TBKBP1: variants seen among roughly 807,000 people sequenced by gnomAD.
The protein encoded by TBKBP1 is TBK1 binding protein 1.
A neutral mutation model predicts 69.9 loss-of-function variants in TBKBP1; 47 were observed. The ratio of observed to expected loss-of-function variants is 0.67; its 90% CI spans 0.53 to 0.86. The LOEUF (loss-of-function observed/expected upper bound fraction) is 0.86, where lower values mean the gene tolerates loss of function less well. Ranked by LOEUF, TBKBP1 falls within the 40% of genes least tolerant of loss-of-function variation. TBKBP1 has a pLI of 0.00. For missense variants in TBKBP1, 831 were observed against 858.6 expected, an observed-to-expected ratio of 0.97 and a Z score of 0.40; for synonymous variants, 418 against 390.3, an observed-to-expected ratio of 1.07 and a Z score of -0.84.
intron 4 of TBKBP1, among the ~76,000 whole-genome samples, chr17:47,697,625 T>C (rs984506525): frequency 3.9e-5 from 6 of 151,982 alleles, no homozygotes; most frequent in Non-Finnish European, 8.8e-5. Context: ...GGCCTGTGCT[T>C]GGGTGTGCTT....
At chr17:47,698,965 C>A (rs1185942035) in intron 5 of TBKBP1, among the ~76,000 whole-genome samples, 190 bp downstream of exon 5, 1 of 152,100 alleles carries the variant, frequency 6.6e-6, no homozygotes, top group Non-Finnish European at 1.5e-5. Context: ...CTAACTCGGT[C>A]ATTCCTGATC....
chr17:47,709,094 C>A lies in TBKBP1; in HGVS notation c.1361C>A (p.Ala454Asp). The A allele has an allele frequency of 7.3e-7, 1 of 1,361,036 alleles. No individual in the cohort carries two copies. The allele number at this position is 1,361,036 out of a possible 1,614,324, so 84.3% of individuals were successfully genotyped here. A position where few individuals can be genotyped will look rare whatever the true frequency, so the allele number is the denominator to read the frequency against. ...AAGCCGCCCAGCCACCACGTGAAGG[C>A]CGGCTTCCAGGGCCGCCGCAGCTAC... ...YAKPPSHHVK[A>D]GFQGRRSYSE... is the part of the protein sequence containing the mutation. The change falls in exon 9 of 10, where the codon GCC becomes GAC. Residue 454 changes from alanine (A) to aspartate (D), a missense_variant. By Grantham distance (126) the Ala-to-Asp change is moderately radical (BLOSUM62 -2). Transcript: ENST00000578982.
At position 47,709,391 on chromosome 17, in the gene TBKBP1, A is replaced by T; in HGVS notation, c.1658A>T (p.Glu553Val). 1 of 1,533,240 alleles carries T rather than the reference A, an allele frequency of 6.5e-7. No homozygotes were observed. Among genetic ancestry groups the T allele is most frequent in the South Asian group, 1.2e-5 (1 of 83,770 alleles). 95.0% of individuals were successfully genotyped at this position (1,533,240 alleles called of 1,614,324 possible). ...ASFCAGFPIP[E>V]SPAATAYAHA... ...TTCTGCGCGGGCTTCCCCATCCCCG[A>T]GTCGCCCGCCGCCACCGCCTACGCC... Residue 553 changes from glutamate (E) to valine (V), a missense_variant, in exon 9 of 10, where the codon GAG (glutamate) becomes GTG (valine). Glu to Val is a moderately radical substitution (Grantham distance 121, BLOSUM62 -2). Coordinates refer to ENST00000578982, the MANE Select transcript of TBKBP1 (RefSeq NM_001394755.1).
intron 7 of TBKBP1, among the ~76,000 whole-genome samples, chr17:47,704,392 C>T (rs2031626912): frequency 6.6e-6 from 1 of 152,232 alleles, no homozygotes; most frequent in African/African-American, 2.4e-5. Flanking sequence ...ACCTCAAGTC[C>T]GTTCCACGGC....
chr17:47,697,739 T>A (rs527956586), intron 4 of TBKBP1, among the ~76,000 whole-genome samples: 1 of 151,392 alleles, frequency 6.6e-6, no homozygotes, highest in Admixed American at 6.6e-5. Context: ...GGTTAAGGAG[T>A]TTGAGACCAG....
At chr17:47,702,733 T>C (rs1171754552) in intron 7 of TBKBP1, among the ~76,000 whole-genome samples, 1 of 151,748 alleles carries the variant, frequency 6.6e-6, no homozygotes, top group Non-Finnish European at 1.5e-5. Context: ...GGGAGACAAA[T>C]TGCCCCAGAG....
Position 47,710,521 on chromosome 17 carries a change from C to T in TBKBP1, c.1743C>T (p.Ser581=), listed in dbSNP as rs372039548. The change falls in exon 10 of 10, where the codon TCC becomes TCT. Residue 581 remains serine (S), a synonymous_variant. Coordinates refer to ENST00000578982, the MANE Select transcript of TBKBP1 (RefSeq NM_001394755.1). ...SINLLMETVG[S]DIRSCPLCQL... ...AGTTGCTGATGGAGACGGTGGGCTC[C>T]GACATCCGCAGCTGCCCCCTCTGCC... is the stretch of plus-strand genomic sequence containing the variant. 2.2e-5 allele frequency: 35 copies of T among 1,611,124 alleles called. No individual in the cohort carries two copies. In the African/African-American group the frequency reaches 3.1e-4, roughly 14 times the overall value.
chr17:47,701,484 A>G (rs2143297349), intron 7 of TBKBP1, among the ~76,000 whole-genome samples: 1 of 152,262 alleles, frequency 6.6e-6, no homozygotes, highest in South Asian at 2.1e-4. Flanking sequence ...CCAGACCAGC[A>G]GTGAATCTCC....
Position 47,699,689 on chromosome 17 carries a change from G to C in TBKBP1, c.864G>C (p.Gly288=). ...ERDMAWVKRV[G]DDQVNLALAY... is the part of the protein sequence containing the mutation. ...ACATGGCGTGGGTGAAAAGAGTTGG[G>C]GATGATCAGTAAGTCACATTGGTAA... Residue 288 remains glycine, a synonymous_variant, in exon 7 of 10, where the codon GGG becomes GGC. Transcript: ENST00000578982. 1 of 1,613,982 alleles carries C rather than the reference G, an allele frequency of 6.2e-7. No individual in the cohort carries two copies. The highest frequency in any genetic ancestry group is 8.5e-7 in the Non-Finnish European group (1 of 1,179,882).
intron 7 of TBKBP1, among the ~76,000 whole-genome samples, chr17:47,703,241 G>A (rs947930582): frequency 1.3e-5 from 2 of 152,070 alleles, no homozygotes; most frequent in African/African-American, 4.8e-5. Flanking sequence ...AAGCCTCTGC[G>A]TGGGCTGCGG....
chr17:47,700,192 C>CAT (rs2031438234), intron 7 of TBKBP1, among the ~76,000 whole-genome samples: 1 of 148,680 alleles, frequency 6.7e-6, no homozygotes, highest in East Asian at 2.1e-4. Flanking sequence ...GGTTTCACTG[C>CAT]GTTAGCCAGG....
At chr17:47,709,648 C>T (rs1280658017) in intron 9 of TBKBP1, among the ~76,000 whole-genome samples, 196 bp downstream of exon 9, 1 of 152,246 alleles carries the variant, frequency 6.6e-6, no homozygotes, top group Non-Finnish European at 1.5e-5. Context: ...AAATTGGGGC[C>T]TGCCCCATTA....
rs140183833 is a variant in TBKBP1, at chr17:47,710,194, G to C, written c.1720-304G>C. ...TGTTTAGGATCGTACATTGCTTTGA[G>C]TTATCCGGGAGCTGTCTTAGTCACT... On this transcript the variant is annotated intron_variant, in intron 9 of 9. Transcript: ENST00000578982. Among the ~76,000 whole-genome samples, 3 of 152,220 alleles carry C rather than the reference G, an allele frequency of 2.0e-5. No individual in the cohort carries two copies. The East Asian group carries it at 5.8e-4, about 29-fold the overall frequency.
rs750357096 is a variant in TBKBP1, at chr17:47,696,707, G to A, written c.226-4G>A. On this transcript the variant is annotated splice_polypyrimidine_tract_variant and splice_region_variant and intron_variant, in intron 2 of 9. Transcript: ENST00000578982. ...ACTCTCCTGAAGCTCCACCCCACCT[G>A]CAGTACCCACTGATCAGTGACTTTG... is the stretch of plus-strand genomic sequence containing the variant. 2 of 1,613,834 alleles carry A rather than the reference G, an allele frequency of 1.2e-6. No homozygotes were observed.
At chr17:47,695,419 C>A (rs975611415) in intron 1 of TBKBP1, 1 of 152,460 alleles carries the variant, frequency 6.6e-6, no homozygotes, top group Non-Finnish European at 1.5e-5. Flanking sequence ...GGGTCCCCTT[C>A]CCCAGTTTGC....
In TBKBP1 at chr17:47,706,851, A is replaced by C. The variant is rs543003611; in HGVS notation, c.873-1543A>C. Among the ~76,000 whole-genome samples the C allele has an allele frequency of 7.3e-5, 11 of 151,348 alleles. 1 individual carries two copies. In the South Asian group the frequency reaches 2.3e-3, roughly 32 times the overall value. ...TAGACACACACACACACACACACAC[A>C]CACACACACACACACACACGCACAC... On this transcript the variant is annotated intron_variant, in intron 7 of 9. Transcript: ENST00000578982.
At chr17:47,695,484 G>T (rs779119409) in intron 1 of TBKBP1, 2 of 152,280 alleles carry the variant, frequency 1.3e-5, no homozygotes, top group African/African-American at 2.4e-5. Flanking sequence ...GGGGCCAAGG[G>T]GTCCTGGACC....
At chr17:47,697,506 G>A (rs1217009361) in intron 4 of TBKBP1, among the ~76,000 whole-genome samples, 5 of 152,112 alleles carry the variant, frequency 3.3e-5, no homozygotes, top group Non-Finnish European at 7.4e-5. Flanking sequence ...GTGCCTGTGA[G>A]CACTGCCCTG....
chr17:47,696,160 C>A lies in TBKBP1; in HGVS notation c.48C>A (p.Ala16=), dbSNP rs1049936933. ...EDDISILTQE[A]LGPSEVWLDS... ...ACATCAGCATCCTGACGCAGGAGGC[C>A]CTGGGGCCTAGTGAGGTGTGGCTGG... The change falls in exon 2 of 10, where the codon GCC becomes GCA. Residue 16 remains alanine, a synonymous_variant. Coordinates refer to ENST00000578982, the MANE Select transcript of TBKBP1 (RefSeq NM_001394755.1). The A allele has an allele frequency of 6.2e-7, 1 of 1,613,546 alleles. No homozygotes were observed. Among genetic ancestry groups the A allele is most frequent in the Non-Finnish European group, 8.5e-7 (1 of 1,179,816 alleles).
Sources: allele counts gnomAD v4.1 joint callset (sites outside exome capture counted in the v4.1 genomes callset), GRCh38; gene constraint gnomAD v4.1.1; transcripts MANE v1.5; gene names NCBI Gene and HGNC (gene_info 2026-07-23, HGNC 2026-07-21).